SH3BGRL2: variants seen among roughly 807,000 people sequenced by gnomAD.
SH3BGRL2 encodes SH3 domain binding glutamate rich protein like 2.
Under a neutral mutation model 14.8 loss-of-function variants are expected in SH3BGRL2, and 21 were observed. The observed-to-expected ratio is 1.42, with a 90% CI of 1.01 to 2.05. The LOEUF (loss-of-function observed/expected upper bound fraction) is 2.05. SH3BGRL2 is among the 30% of genes most tolerant of loss of function. The pLI is 0.00. For synonymous variants in SH3BGRL2, 50 were observed against 47.8 expected (o/e 1.05, Z -0.19); for missense variants, 147 against 130.8 (o/e 1.12, Z -0.61).
chr6:79,592,270 T>C, the SH3BGRL2 span, among the ~76,000 whole-genome samples: 1 of 152,194 alleles, frequency 6.6e-6, no homozygotes, highest in Admixed American at 6.5e-5. Flanking sequence ...TCTGATTCAA[T>C]CCCATAAACC....
the SH3BGRL2 span, among the ~76,000 whole-genome samples, chr6:79,548,533 G>A: frequency 5.3e-5 from 8 of 152,126 alleles, no homozygotes; most frequent in South Asian, 2.1e-4. Context: ...TCTAGTGTTC[G>A]CCAATTTGTT....
chr6:79,651,358 C>T (rs1160114310), intron 1 of SH3BGRL2, among the ~76,000 whole-genome samples: 1 of 151,988 alleles, frequency 6.6e-6, no homozygotes, highest in South Asian at 2.1e-4. Flanking sequence ...ATAGTGGCAC[C>T]GTAAATTCAT....
chr6:79,646,762 T>C (rs1394595282), intron 1 of SH3BGRL2, among the ~76,000 whole-genome samples: 1 of 152,250 alleles, frequency 6.6e-6, no homozygotes, highest in Non-Finnish European at 1.5e-5. Context: ...TTGCCTCTTC[T>C]GGACATTTCA....
chr6:79,686,658 C>G (rs982251814), intron 2 of SH3BGRL2, among the ~76,000 whole-genome samples: 3 of 152,048 alleles, frequency 2.0e-5, no homozygotes, highest in African/African-American at 7.2e-5. Flanking sequence ...TTTAATCTCT[C>G]CAAGGATATT....
chr6:79,655,030 A>T (rs1398214868), intron 1 of SH3BGRL2, among the ~76,000 whole-genome samples: 2 of 152,164 alleles, frequency 1.3e-5, no homozygotes, highest in East Asian at 3.8e-4. Context: ...AAATGTTTAC[A>T]CGCAAAACTC....
At chr6:79,607,179 G>C in the SH3BGRL2 span, among the ~76,000 whole-genome samples, 4 of 152,272 alleles carry the variant, frequency 2.6e-5, no homozygotes, top group African/African-American at 9.6e-5. Flanking sequence ...GGTTCAGCTG[G>C]TCCTACAATT....
At chr6:79,608,607 A>C in the SH3BGRL2 span, among the ~76,000 whole-genome samples, 1 of 152,206 alleles carries the variant, frequency 6.6e-6, no homozygotes, top group Non-Finnish European at 1.5e-5. Context: ...GAGGGCAGTA[A>C]CATGAGGCAT....
chr6:79,596,722 A>G, the SH3BGRL2 span, among the ~76,000 whole-genome samples: 2 of 152,242 alleles, frequency 1.3e-5, no homozygotes, highest in Admixed American at 6.5e-5. Flanking sequence ...TACAGATTCA[A>G]TGCAATCCTT....
At chr6:79,609,539 T>G in the SH3BGRL2 span, among the ~76,000 whole-genome samples, 1 of 152,160 alleles carries the variant, frequency 6.6e-6, no homozygotes. Context: ...TCTGGCCTCA[T>G]CCATCCCCAG....
the SH3BGRL2 span, among the ~76,000 whole-genome samples, chr6:79,583,340 T>G: frequency 6.6e-6 from 1 of 152,208 alleles, no homozygotes; most frequent in South Asian, 2.1e-4. Context: ...CAAGTATGTT[T>G]ATTGCGGCAC....
At chr6:79,682,424 A>G (rs1268938444) in intron 2 of SH3BGRL2, among the ~76,000 whole-genome samples, 1 of 152,150 alleles carries the variant, frequency 6.6e-6, no homozygotes, top group African/African-American at 2.4e-5. Flanking sequence ...TATGATCACA[A>G]GACAACGTTC....
At chr6:79,601,607 G>A in the SH3BGRL2 span, among the ~76,000 whole-genome samples, 2 of 152,178 alleles carry the variant, frequency 1.3e-5, no homozygotes, top group Admixed American at 6.5e-5. Flanking sequence ...CCATTTAGTT[G>A]ATAAATGTGA....
At chr6:79,539,834 A>G in the SH3BGRL2 span, among the ~76,000 whole-genome samples, 1 of 152,242 alleles carries the variant, frequency 6.6e-6, no homozygotes, top group Non-Finnish European at 1.5e-5. Context: ...CATACTATAT[A>G]TAGTATCTTG....
At chr6:79,568,195 C>T in the SH3BGRL2 span, among the ~76,000 whole-genome samples, 1 of 152,098 alleles carries the variant, frequency 6.6e-6, no homozygotes, top group South Asian at 2.1e-4. Context: ...ACACCTAACA[C>T]CCAGCAATTC....
intron 1 of SH3BGRL2, among the ~76,000 whole-genome samples, chr6:79,646,439 A>T (rs1392849654): frequency 1.3e-5 from 2 of 152,252 alleles, no homozygotes; most frequent in Non-Finnish European, 2.9e-5. Context: ...GAGACTTGGA[A>T]TCTGGTTCTG....
chr6:79,664,436 G>A (rs891433976), intron 1 of SH3BGRL2, among the ~76,000 whole-genome samples: 1 of 152,206 alleles, frequency 6.6e-6, no homozygotes, highest in African/African-American at 2.4e-5. Flanking sequence ...TACAGATGAG[G>A]AAACCAAGGC....
intron 2 of SH3BGRL2, among the ~76,000 whole-genome samples, chr6:79,674,805 A>G (rs928021473): frequency 3.9e-5 from 6 of 152,256 alleles, no homozygotes; most frequent in African/African-American, 1.4e-4. Flanking sequence ...AAGTTTGAGC[A>G]CTAGTACTGC....
chr6:79,628,187 TATC>T (rs1768765017), upstream of SH3BGRL2, among the ~76,000 whole-genome samples: 1 of 152,154 alleles, frequency 6.6e-6, no homozygotes, highest in Non-Finnish European at 1.5e-5. Context: ...TCATACATAT[TATC>T]ATATCAAAAT....
At chr6:79,669,331 T>A (rs1371825653) in intron 1 of SH3BGRL2, among the ~76,000 whole-genome samples, 1 of 152,054 alleles carries the variant, frequency 6.6e-6, no homozygotes, top group Admixed American at 6.6e-5. Context: ...ATCAGCCCTG[T>A]TGTTGGTTGG....
Sources: allele counts gnomAD v4.1 joint callset (sites outside exome capture counted in the v4.1 genomes callset), GRCh38; gene constraint gnomAD v4.1.1; transcripts MANE v1.5; gene names NCBI Gene and HGNC (gene_info 2026-07-23, HGNC 2026-07-21).